SLC30A8: variants seen among roughly 807,000 people sequenced by gnomAD.
SLC30A8 encodes the protein solute carrier family 30 member 8, also known as proton-coupled zinc antiporter SLC30A8.
SLC30A8 carries 27 observed loss-of-function variants against 36.9 expected under a neutral mutation model. The observed-to-expected ratio is 0.73, with a 90% CI of 0.54 to 1.01. SLC30A8 has a LOEUF of 1.01. SLC30A8 is among the 50% of genes least tolerant of loss of function. The probability of loss-of-function intolerance (pLI) is 0.00; values close to 1 mark genes in which losing one functional copy is unlikely to be tolerated. For synonymous variants in SLC30A8, 164 were observed against 172.4 expected, an observed-to-expected ratio of 0.95 and a Z score of 0.38; for missense variants, 439 against 452.0, an observed-to-expected ratio of 0.97 and a Z score of 0.26.
intron 1 of SLC30A8, among the ~76,000 whole-genome samples, chr8:116,991,003 C>T: frequency 6.6e-6 from 1 of 152,108 alleles, no homozygotes. Flanking sequence ...CCTGAAGAAT[C>T]TGGGCTTTGG....
chr8:117,109,661 G>A (rs1369065088), intron 2 of SLC30A8, among the ~76,000 whole-genome samples: 1 of 152,182 alleles, frequency 6.6e-6, no homozygotes, highest in Admixed American at 6.5e-5. Flanking sequence ...TGACAATGCT[G>A]AAACACCCAT....
intron 2 of SLC30A8, among the ~76,000 whole-genome samples, chr8:117,151,976 A>G (rs114591564): frequency 0.013 from 1,989 of 152,324 alleles, 43 homozygotes; most frequent in African/African-American, 0.045. Flanking sequence ...GCTAGAGCCA[A>G]TGGCCTGTGG....
intron 1 of SLC30A8, among the ~76,000 whole-genome samples, chr8:116,979,888 A>G (rs1024298736): frequency 6.6e-6 from 1 of 152,208 alleles, no homozygotes; most frequent in African/African-American, 2.4e-5. Context: ...ATGAGAAGGA[A>G]AATTAAAAAC....
At chr8:117,068,481 C>A (rs548471210) in intron 2 of SLC30A8, among the ~76,000 whole-genome samples, 3 of 152,196 alleles carry the variant, frequency 2.0e-5, no homozygotes, top group African/African-American at 7.2e-5. Flanking sequence ...CCACATGCAT[C>A]ATTTTTGCAC....
chr8:117,094,312 G>A (rs1329194900), intron 2 of SLC30A8, among the ~76,000 whole-genome samples: 2 of 152,234 alleles, frequency 1.3e-5, no homozygotes, highest in Admixed American at 6.5e-5. Context: ...AGTGGAGGGT[G>A]AGCAAGGTGA....
At chr8:116,957,991 G>C (rs1460839821) in intron 1 of SLC30A8, among the ~76,000 whole-genome samples, 1 of 152,190 alleles carries the variant, frequency 6.6e-6, no homozygotes, top group Non-Finnish European at 1.5e-5. Flanking sequence ...TATGCCTCGT[G>C]TCAGGGAATC....
intron 2 of SLC30A8, among the ~76,000 whole-genome samples, chr8:117,086,657 G>A (rs930894961): frequency 5.9e-5 from 9 of 152,118 alleles, no homozygotes; most frequent in African/African-American, 2.2e-4. Context: ...CTGCCAAGGT[G>A]TATTCTTCTC....
intron 1 of SLC30A8, among the ~76,000 whole-genome samples, chr8:117,012,684 ATG>A (rs141407793): frequency 3.5e-4 from 47 of 133,088 alleles, no homozygotes; most frequent in East Asian, 7.4e-4. Context: ...GTGTGTGTGC[ATG>A]TGTGTGTGTG....
intron 1 of SLC30A8, among the ~76,000 whole-genome samples, chr8:116,986,267 G>A (rs1164123348): frequency 6.6e-6 from 1 of 151,874 alleles, no homozygotes; most frequent in African/African-American, 2.4e-5. Flanking sequence ...ATTGGCATTG[G>A]CCTGAGCACT....
intron 1 of SLC30A8, among the ~76,000 whole-genome samples, chr8:116,970,140 T>A (rs1814743808): frequency 6.6e-6 from 1 of 152,140 alleles, no homozygotes; most frequent in Admixed American, 6.5e-5. Context: ...TCTTTAAATT[T>A]AAAAAATTTT....
At chr8:116,974,017 A>C (rs910686172) in intron 1 of SLC30A8, among the ~76,000 whole-genome samples, 2 of 152,358 alleles carry the variant, frequency 1.3e-5, no homozygotes, top group African/African-American at 4.8e-5. Context: ...TCCCTTCCTT[A>C]CACCTTATAC....
intron 5 of SLC30A8, 111 bp from the exon 6 acceptor site, chr8:117,163,314 A>G (rs1026427460): frequency 3.8e-6 from 3 of 796,170 alleles, no homozygotes; most frequent in Admixed American, 5.1e-5. Flanking sequence ...CAAAAGGGTA[A>G]ATGAGTGACA....
chr8:117,142,756 ATCTTC>A (rs71569718), intron 1 of SLC30A8, among the ~76,000 whole-genome samples: 15,332 of 152,044 alleles, frequency 0.1, 948 homozygotes, highest in East Asian at 0.14. Flanking sequence ...AAGGTAGTTC[ATCTTC>A]CCTTGCCTTC....
chr8:117,053,028 C>T (rs1817757920), intron 2 of SLC30A8, among the ~76,000 whole-genome samples: 1 of 151,992 alleles, frequency 6.6e-6, no homozygotes, highest in South Asian at 2.1e-4. Flanking sequence ...TGCCTCAGGC[C>T]TCAGCCTCCC....
chr8:117,161,980 T>C, intron 5 of SLC30A8, 92 bp downstream of exon 5: 2 of 1,176,954 alleles, frequency 1.7e-6, no homozygotes, highest in South Asian at 1.7e-5. Flanking sequence ...AGAATGGGCA[T>C]CCTCTGTTTA....
At chr8:117,030,406 C>G (rs1817005980) in intron 1 of SLC30A8, among the ~76,000 whole-genome samples, 1 of 152,152 alleles carries the variant, frequency 6.6e-6, no homozygotes, top group South Asian at 2.1e-4. Flanking sequence ...TTCCCATGAT[C>G]CAGTTAACGT....
chr8:117,176,592 G>A lies in SLC30A8; in HGVS notation c.*3911G>A, dbSNP rs1232658488. On this transcript the variant is annotated 3_prime_UTR_variant, in exon 8 of 8. Transcript: ENST00000456015. ...AAAAAATAAAAAGGTGACCATCTGCGGTTTAGTTTTTTAACTTTCTGATTT... is the reference window on the plus strand; with the variant it reads ...AAAAAATAAAAAGGTGACCATCTGCAGTTTAGTTTTTTAACTTTCTGATTT... 1.3e-5 allele frequency: 2 copies of A among 152,376 alleles called. No individual in the cohort carries two copies. Among genetic ancestry groups the A allele is most frequent in the Non-Finnish European group, 2.9e-5 (2 of 67,940 alleles). 9.4% of individuals were successfully genotyped at this position (152,376 alleles called of 1,614,324 possible). A position where few individuals can be genotyped will look rare whatever the true frequency, so the allele number is the denominator to read the frequency against.
intron 3 of SLC30A8, among the ~76,000 whole-genome samples, chr8:117,154,461 A>C (rs909422610): frequency 6.6e-6 from 1 of 152,224 alleles, no homozygotes; most frequent in Non-Finnish European, 1.5e-5. Flanking sequence ...GCTGCTAGAC[A>C]CATATCACAG....
intron 1 of SLC30A8, among the ~76,000 whole-genome samples, chr8:117,018,673 C>CG (rs1273478052): frequency 2.9e-4 from 36 of 124,992 alleles, no homozygotes; most frequent in Middle Eastern, 3.8e-3. Context: ...GCCCCCCCCC[C>CG]CCTTTTTTTT....
Sources: allele counts gnomAD v4.1 joint callset (sites outside exome capture counted in the v4.1 genomes callset), GRCh38; gene constraint gnomAD v4.1.1; transcripts MANE v1.5; gene names NCBI Gene and HGNC (gene_info 2026-07-23, HGNC 2026-07-21).